The following COL22A1 variants were observed in gnomAD, a reference collection of about 807,000 sequenced individuals.
COL22A1 encodes collagen type XXII alpha 1 chain.
In COL22A1, 221 loss-of-function variants were observed where a neutral mutation model predicts 248.9. That is an observed-to-expected ratio of 0.89 (90% CI 0.80 to 0.99). COL22A1 has a LOEUF of 0.99. Among genes scored for constraint, COL22A1 ranks in the 50% least tolerant of loss-of-function variants. The pLI is 0.00. For missense variants in COL22A1, 2,240 were observed against 2,179.0 expected, an observed-to-expected ratio of 1.03 and a Z score of -0.56; for synonymous variants, 891 against 793.4, an observed-to-expected ratio of 1.12 and a Z score of -2.07.
chr8:138,693,742 G>A, intron 34 of COL22A1, 43 bp from the exon 35 acceptor site: 2 of 1,545,948 alleles, frequency 1.3e-6, no homozygotes, highest in South Asian at 1.2e-5. Context: ...GACACCCTCA[G>A]TGATGCTGTT....
In COL22A1 at chr8:138,842,039, C is replaced by G. The variant is rs186541939; in HGVS notation, c.733+2045G>C. 2.6e-3 allele frequency among the ~76,000 whole-genome samples: 389 copies of G among 152,264 alleles called. 11 individuals carry two copies. The highest frequency in any genetic ancestry group is 0.025 in the Admixed American group (386 of 15,300). ...CAGTTACCTAGAAATACACATTGTA[C>G]AGTCCAAGCTCCAAGACTGGCCACT... On this transcript the variant is annotated intron_variant, in intron 4 of 64. Transcript: ENST00000303045.
intron 3 of COL22A1, among the ~76,000 whole-genome samples, chr8:138,856,122 C>A (rs527920874): frequency 6.6e-6 from 1 of 152,332 alleles, no homozygotes; most frequent in East Asian, 1.9e-4. Flanking sequence ...GAAATTACTA[C>A]AAATGGCAAA....
At chr8:138,858,439 G>A (rs1055878607) in intron 3 of COL22A1, among the ~76,000 whole-genome samples, 8 of 151,994 alleles carry the variant, frequency 5.3e-5, no homozygotes, top group Non-Finnish European at 1.0e-4. Context: ...GGAGTGCAGT[G>A]GTGCAATCAC....
chr8:138,687,755 G>T (rs776227396), intron 37 of COL22A1, among the ~76,000 whole-genome samples: 4 of 152,222 alleles, frequency 2.6e-5, no homozygotes, highest in Non-Finnish European at 5.9e-5. Context: ...CAGGTTCAAA[G>T]AGAGTGTGCT....
intron 56 of COL22A1, among the ~76,000 whole-genome samples, chr8:138,608,286 A>G (rs1385957980): frequency 6.6e-6 from 1 of 152,248 alleles, no homozygotes. Flanking sequence ...GACCACGTTC[A>G]TTCATTCATC....
chr8:138,665,175 G>T (rs1179936343), intron 41 of COL22A1, among the ~76,000 whole-genome samples: 1 of 152,116 alleles, frequency 6.6e-6, no homozygotes, highest in Non-Finnish European at 1.5e-5. Flanking sequence ...AATCTCCAGA[G>T]GTCTAGAGAA....
chr8:138,752,843 T>C (rs1204577775), intron 21 of COL22A1, among the ~76,000 whole-genome samples: 1 of 152,182 alleles, frequency 6.6e-6, no homozygotes, highest in Non-Finnish European at 1.5e-5. Context: ...CAATGAATAT[T>C]TAGAAAGTAA....
At chr8:138,720,659 G>A (rs781619515) in intron 27 of COL22A1, 80 bp downstream of exon 27, 2 of 1,144,206 alleles carry the variant, frequency 1.7e-6, no homozygotes, top group Admixed American at 3.4e-5. Context: ...TATGCTTATG[G>A]TAAGTCGAGA....
Position 138,756,026 on chromosome 8 carries a change from C to G in COL22A1, c.1903-197G>C, listed in dbSNP as rs376936428. Among the ~76,000 whole-genome samples, 23 of 152,178 alleles carry G rather than the reference C, an allele frequency of 1.5e-4. 1 individual carries two copies. In the East Asian group the frequency reaches 1.5e-3, roughly 10 times the overall value. ...CGGGTTCTGATCCTCATCTCTGCCT[C>G]AGATCATAGGCTTCTTGCTGGCAGG... On this transcript the variant is annotated intron_variant, in intron 18 of 64. Transcript: ENST00000303045.
rs78951445 is a variant in COL22A1, at chr8:138,888,608, G to A, written c.-72-5364C>T. Among the ~76,000 whole-genome samples, 930 of 152,252 alleles carry A rather than the reference G, an allele frequency of 6.1e-3. 12 individuals are homozygous for A. The highest frequency in any genetic ancestry group is 0.021 in the African/African-American group (870 of 41,534). On this transcript the variant is annotated intron_variant, in intron 1 of 64. Coordinates refer to ENST00000303045, the MANE Select transcript of COL22A1 (RefSeq NM_152888.3). ...CTAAAGGCCACTTGTGAGAGCACAG[G>A]GTATAATAGTCTGAATGACAATACT... is the stretch of plus-strand genomic sequence containing the variant.
At chr8:138,847,969 TA>T (rs1190869690) in intron 3 of COL22A1, among the ~76,000 whole-genome samples, 1 of 152,172 alleles carries the variant, frequency 6.6e-6, no homozygotes, top group Non-Finnish European at 1.5e-5. Context: ...TAAGGACAAT[TA>T]ATGAGGGTGG....
intron 5 of COL22A1, among the ~76,000 whole-genome samples, 188 bp downstream of exon 5, chr8:138,832,851 G>C (rs1469414034): frequency 6.6e-6 from 1 of 152,222 alleles, no homozygotes; most frequent in East Asian, 1.9e-4. Flanking sequence ...AATGATAATA[G>C]ATTGGCTAAA....
chr8:138,793,843 C>T (rs1586757675), intron 12 of COL22A1, among the ~76,000 whole-genome samples: 2 of 152,126 alleles, frequency 1.3e-5, no homozygotes, highest in South Asian at 2.1e-4. Flanking sequence ...AGGAGGCTTC[C>T]GGTCCCTGCC....
At chr8:138,869,622 T>A (rs967072386) in intron 3 of COL22A1, among the ~76,000 whole-genome samples, 3 of 152,054 alleles carry the variant, frequency 2.0e-5, no homozygotes, top group Non-Finnish European at 4.4e-5. Flanking sequence ...GAGGTTTTAG[T>A]TTTCCATCAT....
intron 22 of COL22A1, among the ~76,000 whole-genome samples, chr8:138,751,020 A>G (rs1832552567): frequency 6.6e-6 from 1 of 152,080 alleles, no homozygotes; most frequent in Admixed American, 6.5e-5. Flanking sequence ...ATTAAATACC[A>G]TGAGATATCA....
chr8:138,882,407 C>G (rs929351710), intron 2 of COL22A1, among the ~76,000 whole-genome samples: 1 of 92,248 alleles, frequency 1.1e-5, no homozygotes, highest in Admixed American at 1.4e-4. Flanking sequence ...CAAACTCACA[C>G]ATATTCTCTC....
intron 45 of COL22A1, among the ~76,000 whole-genome samples, chr8:138,651,906 AT>A (rs1247875007): frequency 6.6e-6 from 1 of 152,146 alleles, no homozygotes; most frequent in Admixed American, 6.5e-5. Context: ...TGACTTTCCT[AT>A]TTCTTTCTAA....
intron 2 of COL22A1, among the ~76,000 whole-genome samples, chr8:138,881,097 G>A (rs1824167784): frequency 6.6e-6 from 1 of 152,096 alleles, no homozygotes; most frequent in Non-Finnish European, 1.5e-5. Context: ...GCTCTTTTGG[G>A]GCCCACCATT....
chr8:138,840,583 A>T (rs112493726), intron 4 of COL22A1, among the ~76,000 whole-genome samples: 2 of 151,858 alleles, frequency 1.3e-5, no homozygotes, highest in Non-Finnish European at 2.9e-5. Context: ...TCCCAGCAAG[A>T]ATCAGTTATT....
Sources: gnomAD v4.1 joint callset for allele counts (sites outside exome capture counted in the v4.1 genomes callset) on GRCh38, gnomAD v4.1.1 for gene constraint, MANE v1.5 for transcripts, NCBI Gene and HGNC (gene_info 2026-07-23, HGNC 2026-07-21) for gene names.